COL21A1: variants seen among roughly 807,000 people sequenced by gnomAD.
The protein encoded by COL21A1 is collagen type XXI alpha 1 chain, also known as collagen alpha-1(XXI) chain.
In COL21A1, 149 loss-of-function variants were observed where a neutral mutation model predicts 137.9. That is an observed-to-expected ratio of 1.08 (90% CI 0.95 to 1.24). The LOEUF (loss-of-function observed/expected upper bound fraction) is 1.24, where lower values mean the gene tolerates loss of function less well. Among genes scored for constraint, COL21A1 ranks in the 50% most tolerant of loss-of-function variants. The pLI is 0.00. For synonymous variants in COL21A1, 456 were observed against 391.5 expected (o/e 1.16, Z -1.95); for missense variants, 1,167 against 1,158.4 (o/e 1.01, Z -0.11).
At chr6:56,376,836 A>AC (rs144688498) in intron 1 of COL21A1, among the ~76,000 whole-genome samples, 17,452 of 98,790 alleles carry the variant, frequency 0.18, 1,697 homozygotes, top group African/African-American at 0.29. Context: ...CCCACCCCCC[A>AC]CCCCCCCCAA....
intron 5 of COL21A1, among the ~76,000 whole-genome samples, chr6:56,169,614 T>A (rs1776868573): frequency 6.6e-6 from 1 of 152,032 alleles, no homozygotes; most frequent in Non-Finnish European, 1.5e-5. Flanking sequence ...ACACACCTGA[T>A]GACTCAATAC....
chr6:56,302,272 T>C (rs1173647989), intron 1 of COL21A1, among the ~76,000 whole-genome samples: 1 of 152,076 alleles, frequency 6.6e-6, no homozygotes, highest in African/African-American at 2.4e-5. Flanking sequence ...TCAAATGGTA[T>C]TTCTAGTTCT....
chr6:56,233,800 C>CAAAAA (rs60424635), intron 1 of COL21A1, among the ~76,000 whole-genome samples: 2,206 of 149,548 alleles, frequency 0.015, 55 homozygotes, highest in African/African-American at 0.05. Context: ...AAGAATAGAG[C>CAAAAA]AAAAAAATCC....
chr6:56,385,190 G>A (rs763528375), intron 1 of COL21A1, among the ~76,000 whole-genome samples: 15 of 152,226 alleles, frequency 9.9e-5, no homozygotes, highest in Non-Finnish European at 2.2e-4. Flanking sequence ...TAGCAATGAA[G>A]TATCTTGGAA....
chr6:56,073,337 A>G (rs951529517), intron 20 of COL21A1, among the ~76,000 whole-genome samples: 37 of 151,480 alleles, frequency 2.4e-4, no homozygotes. Flanking sequence ...AGGATCCACA[A>G]GGGTCTACCA....
intron 12 of COL21A1, among the ~76,000 whole-genome samples, chr6:56,137,886 T>C (rs1188068533): frequency 6.6e-6 from 1 of 152,266 alleles, no homozygotes; most frequent in East Asian, 1.9e-4. Context: ...ATAATCCAGA[T>C]TGCAAAAGCA....
intron 17 of COL21A1, among the ~76,000 whole-genome samples, chr6:56,096,084 TA>T (rs1769297494): frequency 1.3e-5 from 2 of 151,762 alleles, no homozygotes; most frequent in Admixed American, 1.3e-4. Context: ...TGACCTCAAG[TA>T]ATCCACCTGC....
chr6:56,209,532 T>C (rs569600315), intron 1 of COL21A1, among the ~76,000 whole-genome samples: 1 of 152,308 alleles, frequency 6.6e-6, no homozygotes, highest in South Asian at 2.1e-4. Context: ...TGAAAAATGC[T>C]CATCATCACT....
chr6:56,275,194 A>C (rs1267912880), intron 1 of COL21A1, among the ~76,000 whole-genome samples: 3 of 152,224 alleles, frequency 2.0e-5, no homozygotes, highest in Non-Finnish European at 1.5e-5. Context: ...CCTGCCTTTC[A>C]TCATATATGA....
intron 1 of COL21A1, among the ~76,000 whole-genome samples, chr6:56,344,523 T>C (rs770127601): frequency 3.0e-4 from 46 of 152,330 alleles, no homozygotes; most frequent in Non-Finnish European, 4.3e-4. Flanking sequence ...ATGTGTATAT[T>C]TACATAACAG....
At position 56,182,560 on chromosome 6, in the gene COL21A1, A is replaced by G. The variant is rs771610506; in HGVS notation, c.59T>C (p.Val20Ala). 30 of 1,604,582 alleles carry G rather than the reference A, an allele frequency of 1.9e-5. No homozygotes were observed. In the South Asian group the frequency reaches 3.2e-4, roughly 17 times the overall value. The change falls in exon 2 of 30, where the codon GTG (valine) becomes GCG (alanine). Residue 20 changes from valine (V) to alanine (A), a missense_variant. Coordinates refer to ENST00000244728, the MANE Select transcript of COL21A1 (RefSeq NM_030820.4). The part of the protein sequence containing the change: ...MVLVLLLQNS[V>A]LAEDGEVRSS... ...TCTTACTTCCCCATCTTCAGCTAAC[A>G]CAGAATTCTGAAGAAGCAGCACCAA...
At position 56,316,477 on chromosome 6, in the gene COL21A1, C is replaced by CTTT. The variant is rs60388494; in HGVS notation, c.-39+77491_-39+77493dup. Among the ~76,000 whole-genome samples, 14 of 75,788 alleles carry CTTT rather than the reference C, an allele frequency of 1.8e-4. 3 individuals carry two copies. The highest frequency in any genetic ancestry group is 6.9e-4 in the South Asian group (1 of 1,452). The allele number at this position is 75,788 out of a possible 152,430, so 49.7% of individuals were successfully genotyped here. On this transcript the variant is annotated intron_variant, in intron 1 of 28. Coordinates refer to the COL21A1 transcript ENST00000370819. ...CACACCTTTTAAAATTCTAAATAGACTTTTTTTTTTTTTTTTTTTTTTGAG... is the reference window on the plus strand; with the variant it reads ...CACACCTTTTAAAATTCTAAATAGACTTTTTTTTTTTTTTTTTTTTTTTTTGAG...
At chr6:56,204,527 A>T (rs1779628797) in intron 1 of COL21A1, among the ~76,000 whole-genome samples, 2 of 152,168 alleles carry the variant, frequency 1.3e-5, no homozygotes, top group Admixed American at 6.6e-5. Context: ...ACAGAGCACC[A>T]GGGGGAAGTG....
intron 16 of COL21A1, among the ~76,000 whole-genome samples, chr6:56,114,094 C>T (rs1462096875): frequency 6.6e-6 from 1 of 152,244 alleles, no homozygotes; most frequent in African/African-American, 2.4e-5. Context: ...TAGTCCCTAA[C>T]TCCAAGATGG....
chr6:56,315,933 T>G (rs747056364), intron 1 of COL21A1, among the ~76,000 whole-genome samples: 2 of 152,196 alleles, frequency 1.3e-5, no homozygotes, highest in Non-Finnish European at 2.9e-5. Context: ...AGTAATCACT[T>G]CACAAAGCAT....
intron 1 of COL21A1, among the ~76,000 whole-genome samples, chr6:56,348,507 G>T (rs1765642079): frequency 1.3e-5 from 2 of 152,154 alleles, no homozygotes; most frequent in East Asian, 3.9e-4. Flanking sequence ...TCCAGCAGAG[G>T]TAAGATTTCT....
chr6:56,074,986 G>GA (rs1767086962), intron 19 of COL21A1, among the ~76,000 whole-genome samples: 1 of 150,416 alleles, frequency 6.6e-6, no homozygotes, highest in African/African-American at 2.4e-5. Flanking sequence ...AAATTTGGGG[G>GA]GGGATTCTTG....
At chr6:56,233,472 G>A (rs1781712764) in intron 1 of COL21A1, among the ~76,000 whole-genome samples, 1 of 151,738 alleles carries the variant, frequency 6.6e-6, no homozygotes, top group Admixed American at 6.6e-5. Flanking sequence ...AAATCAATTA[G>A]TATCTTAGAA....
chr6:56,291,858 A>G (rs9370507), intron 1 of COL21A1, among the ~76,000 whole-genome samples: 128,305 of 152,200 alleles, frequency 0.84, 56,077 homozygotes, highest in South Asian at 0.97. Flanking sequence ...CTACTTCACC[A>G]TGGTTTATCA....
Sources: allele counts gnomAD v4.1 joint callset (sites outside exome capture counted in the v4.1 genomes callset), GRCh38; gene constraint gnomAD v4.1.1; transcripts MANE v1.5; gene names NCBI Gene and HGNC (gene_info 2026-07-23, HGNC 2026-07-21).